ANO1: variants seen among roughly 807,000 people sequenced by gnomAD.
ANO1 encodes the protein anoctamin 1, also known as anoctamin-1.
ANO1 carries 59 observed loss-of-function variants against 124.0 expected under a neutral mutation model. The observed-to-expected ratio is 0.48, with a 90% CI of 0.39 to 0.59. The LOEUF is 0.59. Among genes scored for constraint, ANO1 ranks in the 20% least tolerant of loss-of-function variants. The probability of loss-of-function intolerance (pLI) is 0.00; values close to 1 mark genes in which losing one functional copy is unlikely to be tolerated. For synonymous variants in ANO1, 529 were observed against 532.0 expected (o/e 0.99, Z 0.08); for missense variants, 1,059 against 1,328.0 (o/e 0.80, Z 3.15).
chr11:69,984,804 C>T (rs915869308), upstream of ANO1, among the ~76,000 whole-genome samples: 1 of 152,240 alleles, frequency 6.6e-6, no homozygotes, highest in Non-Finnish European at 1.5e-5. Context: ...AGCACCAAAC[C>T]AGCTCCTCCC....
At chr11:69,984,486 G>A (rs1254667699), upstream of ANO1, among the ~76,000 whole-genome samples, 1 of 128,040 alleles carries the variant, frequency 7.8e-6, no homozygotes, top group Admixed American at 1.0e-4. Context: ...CTTGCCTCTC[G>A]TCTCCTTTTA....
At chr11:70,097,697 G>A (rs1229759099) in intron 2 of ANO1, among the ~76,000 whole-genome samples, 1 of 152,216 alleles carries the variant, frequency 6.6e-6, no homozygotes, top group Non-Finnish European at 1.5e-5. Flanking sequence ...CCAAAAGGTT[G>A]GAGAGAAGGC....
At chr11:70,164,952 T>C (rs1220911810) in intron 19 of ANO1, among the ~76,000 whole-genome samples, 1 of 151,464 alleles carries the variant, frequency 6.6e-6, no homozygotes, top group Non-Finnish European at 1.5e-5. Flanking sequence ...GTAGGCGGAG[T>C]GTGTCCGTTT....
Position 70,170,844 on chromosome 11 carries a change from T to A in ANO1, c.2198-43T>A, listed in dbSNP as rs760573019. 15 of 1,599,378 alleles carry A rather than the reference T, an allele frequency of 9.4e-6. No individual in the cohort carries two copies. The East Asian group carries it at 3.4e-4, about 36-fold the overall frequency. The stretch of plus-strand genomic sequence containing the variant: ...GGTGGTGGAGTCCCCCCTTATGGGC[T>A]GTGGCTCACGGGGTGCTGACTAGCA... On this transcript the variant is annotated intron_variant, in intron 21 of 25. Coordinates refer to ENST00000355303, the MANE Select transcript of ANO1 (RefSeq NM_018043.7).
At chr11:70,086,378 G>T (rs563045284) in intron 1 of ANO1, among the ~76,000 whole-genome samples, 1 of 152,316 alleles carries the variant, frequency 6.6e-6, no homozygotes, top group East Asian at 1.9e-4. Context: ...GGAATATCTG[G>T]TTTTTAAACA....
chr11:70,137,681 G>T (rs1455905798), intron 11 of ANO1, among the ~76,000 whole-genome samples: 1 of 146,318 alleles, frequency 6.8e-6, no homozygotes, highest in Non-Finnish European at 1.5e-5. Context: ...TACAGTCAAG[G>T]GGTTCACAGT....
At chr11:70,080,019 C>T (rs1231239033) in intron 1 of ANO1, among the ~76,000 whole-genome samples, 1 of 152,220 alleles carries the variant, frequency 6.6e-6, no homozygotes, top group Non-Finnish European at 1.5e-5. Flanking sequence ...GCCATTTGAT[C>T]AAAGCCATGT....
At chr11:70,099,250 T>G (rs958414686) in intron 2 of ANO1, among the ~76,000 whole-genome samples, 28 of 152,202 alleles carry the variant, frequency 1.8e-4, no homozygotes, top group Admixed American at 9.2e-4. Flanking sequence ...GGACAGGCTG[T>G]GGTCAGCCCG....
intron 1 of ANO1, chr11:70,015,561 C>T (rs528323603): frequency 6.6e-6 from 1 of 152,572 alleles, no homozygotes; most frequent in Admixed American, 6.5e-5. Context: ...TCCTTTGGCC[C>T]TGCCTTGGAG....
intron 1 of ANO1, among the ~76,000 whole-genome samples, chr11:70,068,612 G>A (rs1259679512): frequency 6.6e-6 from 1 of 152,120 alleles, no homozygotes; most frequent in Admixed American, 6.5e-5. Context: ...GGGAAGGAGG[G>A]TCACAGCTCC....
At chr11:70,086,300 CA>C (rs1200586814) in intron 1 of ANO1, among the ~76,000 whole-genome samples, 2 of 152,212 alleles carry the variant, frequency 1.3e-5, no homozygotes, top group African/African-American at 2.4e-5. Context: ...GATAACCGGC[CA>C]AACCCCTCGG....
intron 10 of ANO1, among the ~76,000 whole-genome samples, chr11:70,128,529 A>G (rs978893026): frequency 7.9e-5 from 12 of 152,164 alleles, no homozygotes; most frequent in African/African-American, 2.9e-4. Flanking sequence ...CTTCCACCAC[A>G]TGGTCAGAAA....
chr11:70,010,839 A>G (rs1856588147), intron 1 of ANO1, among the ~76,000 whole-genome samples: 3 of 152,138 alleles, frequency 2.0e-5, no homozygotes, highest in South Asian at 4.1e-4. Context: ...TCAACCTCCC[A>G]CATCTTCTGA....
At chr11:70,176,607 C>T (rs770157712) in intron 22 of ANO1, among the ~76,000 whole-genome samples, 7 of 152,110 alleles carry the variant, frequency 4.6e-5, no homozygotes, top group African/African-American at 7.2e-5. Context: ...TTATCAGACT[C>T]AAGGTCTGTG....
intron 2 of ANO1, among the ~76,000 whole-genome samples, chr11:70,089,921 C>T (rs768162418): frequency 5.9e-5 from 9 of 152,224 alleles, no homozygotes; most frequent in Non-Finnish European, 1.2e-4. Flanking sequence ...CGAGGCCACT[C>T]TCTGGGAGCT....
At chr11:70,083,010 C>T (rs1184942394) in intron 1 of ANO1, among the ~76,000 whole-genome samples, 3 of 152,218 alleles carry the variant, frequency 2.0e-5, no homozygotes, top group Non-Finnish European at 4.4e-5. Context: ...GGGACTCCCA[C>T]ACCTGTGCTT....
At position 70,057,998 on chromosome 11, in the gene ANO1, G is replaced by A. The variant is rs111476252; in HGVS notation, c.59-20544G>A. 4.9e-3 allele frequency among the ~76,000 whole-genome samples: 750 copies of A among 152,322 alleles called. 2 individuals are homozygous for A. Among genetic ancestry groups the A allele is most frequent in the African/African-American group, 0.017 (725 of 41,568 alleles). On this transcript the variant is annotated intron_variant, in intron 1 of 27. Transcript: ENST00000531349. Reference sequence around the variant, plus strand: ...TCTCAGGGCTGCTTTGAGCAGGATTGTGGTGGCATGGGTAATTAGAGTGGG... The same window carrying A: ...TCTCAGGGCTGCTTTGAGCAGGATTATGGTGGCATGGGTAATTAGAGTGGG...
chr11:70,105,289 GC>G (rs1565204735), intron 4 of ANO1, among the ~76,000 whole-genome samples: 1 of 152,200 alleles, frequency 6.6e-6, no homozygotes, highest in African/African-American at 2.4e-5. Flanking sequence ...TCCCTATGCA[GC>G]CCATCAGGAC....
At chr11:70,135,781 T>G (rs919893043) in intron 11 of ANO1, among the ~76,000 whole-genome samples, 1 of 152,246 alleles carries the variant, frequency 6.6e-6, no homozygotes, top group Non-Finnish European at 1.5e-5. Flanking sequence ...AGAAGCCGTC[T>G]TGGGCTGTAA....
Sources: gnomAD v4.1 joint callset for allele counts (sites outside exome capture counted in the v4.1 genomes callset) on GRCh38, gnomAD v4.1.1 for gene constraint, MANE v1.5 for transcripts, NCBI Gene and HGNC (gene_info 2026-07-23, HGNC 2026-07-21) for gene names.